The following DLGAP2 variants were observed in gnomAD, a reference collection of about 807,000 sequenced individuals.
DLGAP2 encodes disks large-associated protein 2.
DLGAP2 carries 26 observed loss-of-function variants against 100.3 expected under a neutral mutation model. The observed-to-expected ratio is 0.26, with a 90% CI of 0.19 to 0.36. The LOEUF is 0.36. Among genes scored for constraint, DLGAP2 ranks in the 10% least tolerant of loss-of-function variants. DLGAP2 has a pLI of 1.00. For missense variants in DLGAP2, 1,858 were observed against 1,453.2 expected (o/e 1.28, Z -4.53); for synonymous variants, 886 against 630.1 (o/e 1.41, Z -6.08).
At chr8:954,042 G>A (rs913794600) in intron 2 of DLGAP2, among the ~76,000 whole-genome samples, 3 of 152,152 alleles carry the variant, frequency 2.0e-5, no homozygotes, top group African/African-American at 4.8e-5. Context: ...TCCCCTATGT[G>A]TGCACTGTTA....
intron 3 of DLGAP2, among the ~76,000 whole-genome samples, chr8:1,358,544 C>G (rs1801906717): frequency 6.6e-6 from 1 of 152,166 alleles, no homozygotes; most frequent in Admixed American, 6.5e-5. Context: ...TCCTTAACAT[C>G]ACGCTGGAGA....
At chr8:1,689,230 C>T (rs1026422042) in intron 12 of DLGAP2, among the ~76,000 whole-genome samples, 12 of 152,154 alleles carry the variant, frequency 7.9e-5, no homozygotes, top group African/African-American at 2.7e-4. Context: ...ATCTCCTAAA[C>T]GTAGAAAGAA....
chr8:1,065,099 G>C (rs1302418424), intron 2 of DLGAP2, among the ~76,000 whole-genome samples: 3 of 152,088 alleles, frequency 2.0e-5, no homozygotes, highest in African/African-American at 7.2e-5. Context: ...ATGTCTCCAC[G>C]CACCAGGGCG....
chr8:928,616 TAAAA>T (rs1046940212), intron 2 of DLGAP2, among the ~76,000 whole-genome samples: 10 of 150,592 alleles, frequency 6.6e-5, no homozygotes, highest in African/African-American at 2.4e-4. Context: ...TTTAGAGGAA[TAAAA>T]AAAAATAAAG....
At chr8:1,138,005 G>T (rs751919170) in intron 2 of DLGAP2, among the ~76,000 whole-genome samples, 8 of 152,082 alleles carry the variant, frequency 5.3e-5, no homozygotes, top group African/African-American at 1.9e-4. Context: ...CCATCATGTA[G>T]GATTACAGGC....
In DLGAP2 at chr8:854,987, G is replaced by C. The variant is rs1482255540; in HGVS notation, c.19-52925G>C. Among the ~76,000 whole-genome samples, 4 of 152,328 alleles carry C rather than the reference G, an allele frequency of 2.6e-5. No individual in the cohort carries two copies. The South Asian group carries it at 8.3e-4, about 32-fold the overall frequency. ...GGCAAAGTGCAGGTTAAAAAAGAAA[G>C]AGGTCAAAACAGAGGTCTGGCAGTC... is the stretch of plus-strand genomic sequence containing the variant. On this transcript the variant is annotated intron_variant, in intron 1 of 14. Coordinates refer to ENST00000637795, the MANE Select transcript of DLGAP2 (RefSeq NM_001346810.2).
At chr8:1,495,426 G>C (rs555028571) in intron 3 of DLGAP2, among the ~76,000 whole-genome samples, 1 of 152,262 alleles carries the variant, frequency 6.6e-6, no homozygotes, top group South Asian at 2.1e-4. Flanking sequence ...CTGCTGTGCT[G>C]CTCTGAGCCG....
chr8:1,225,967 T>A (rs1195374281), intron 2 of DLGAP2, among the ~76,000 whole-genome samples: 1 of 152,102 alleles, frequency 6.6e-6, no homozygotes, highest in Non-Finnish European at 1.5e-5. Flanking sequence ...ATTTTTAATA[T>A]TTTAGAAAGA....
At chr8:1,149,784 T>C (rs1796667132) in intron 2 of DLGAP2, among the ~76,000 whole-genome samples, 1 of 152,232 alleles carries the variant, frequency 6.6e-6, no homozygotes, top group South Asian at 2.1e-4. Flanking sequence ...TTATCTTTTT[T>C]ATTCCACATT....
intron 6 of DLGAP2, among the ~76,000 whole-genome samples, chr8:1,574,262 G>A (rs1007411487): frequency 6.6e-6 from 1 of 152,084 alleles, no homozygotes; most frequent in Non-Finnish European, 1.5e-5. Context: ...TGTATGGGGG[G>A]TAACGTGAGA....
chr8:1,589,935 A>T (rs1796241178), intron 6 of DLGAP2, among the ~76,000 whole-genome samples: 1 of 152,192 alleles, frequency 6.6e-6, no homozygotes, highest in African/African-American at 2.4e-5. Flanking sequence ...AAAGTACCAC[A>T]CACAGCGTGG....
intron 6 of DLGAP2, among the ~76,000 whole-genome samples, chr8:1,613,993 G>A (rs954351005): frequency 1.3e-5 from 2 of 152,128 alleles, no homozygotes. Flanking sequence ...TTTGCAATGC[G>A]TGACCTGACA....
intron 2 of DLGAP2, among the ~76,000 whole-genome samples, chr8:1,194,377 G>A (rs1247187696): frequency 6.6e-6 from 1 of 152,090 alleles, no homozygotes; most frequent in East Asian, 2.0e-4. Context: ...TTGGCGGCCG[G>A]CCCACATAAG....
intron 1 of DLGAP2, among the ~76,000 whole-genome samples, chr8:760,687 C>A (rs1025152184): frequency 1.3e-5 from 2 of 152,186 alleles, no homozygotes; most frequent in Non-Finnish European, 2.9e-5. Context: ...TCCTTGTGTT[C>A]TAGAAACTCA....
rs1268170344 is a variant in DLGAP2 at position 857,830 on chromosome 8, C to G, written c.19-50082C>G. Among the ~76,000 whole-genome samples, 8 of 152,232 alleles carry G rather than the reference C, an allele frequency of 5.3e-5. No homozygotes were observed. The South Asian group carries it at 1.7e-3, about 32-fold the overall frequency. On this transcript the variant is annotated intron_variant, in intron 1 of 14. Transcript: ENST00000637795. ...GCAGTCAGGCTCCTAGGTGTTCACC[C>G]AGATACTTGAAAACTTCTGTTCACA...
At chr8:897,675 C>T (rs530428909) in intron 1 of DLGAP2, among the ~76,000 whole-genome samples, 6 of 152,272 alleles carry the variant, frequency 3.9e-5, no homozygotes, top group Middle Eastern at 3.4e-3. Context: ...CCCCGGCAGC[C>T]GCTCTCCTCC....
intron 1 of DLGAP2, among the ~76,000 whole-genome samples, chr8:800,026 A>C (rs1796115981): frequency 6.6e-6 from 1 of 152,138 alleles, no homozygotes; most frequent in African/African-American, 2.4e-5. Context: ...GTACCGAGAA[A>C]ACCATGTTTC....
chr8:1,627,697 C>T (rs536593574), intron 7 of DLGAP2, among the ~76,000 whole-genome samples: 1 of 152,342 alleles, frequency 6.6e-6, no homozygotes, highest in African/African-American at 2.4e-5. Flanking sequence ...CCTGAGCCGA[C>T]CTCACATTCT....
chr8:1,161,535 G>T (rs895472232), intron 2 of DLGAP2, among the ~76,000 whole-genome samples: 1 of 152,184 alleles, frequency 6.6e-6, no homozygotes, highest in Non-Finnish European at 1.5e-5. Flanking sequence ...AGACCTCCTA[G>T]CAGACACACA....
Sources: allele counts gnomAD v4.1 joint callset (sites outside exome capture counted in the v4.1 genomes callset), GRCh38; gene constraint gnomAD v4.1.1; transcripts MANE v1.5; gene names NCBI Gene and HGNC (gene_info 2026-07-23, HGNC 2026-07-21).